Variants in LRP1B observed in about 807,000 individuals in gnomAD.
LRP1B encodes LDL receptor related protein 1B.
In LRP1B, 217 loss-of-function variants were observed where a neutral mutation model predicts 556.6. That is an observed-to-expected ratio of 0.39 (90% CI 0.35 to 0.44). LRP1B has a LOEUF of 0.44. Among genes scored for constraint, LRP1B ranks in the 20% least tolerant of loss-of-function variants. The pLI is 1.00. For synonymous variants in LRP1B, 2,047 were observed against 1,865.8 expected, an observed-to-expected ratio of 1.10 and a Z score of -2.50; for missense variants, 5,053 against 5,620.8, an observed-to-expected ratio of 0.90 and a Z score of 3.23.
chr2:141,525,113 T>A (rs1241476080), intron 2 of LRP1B, among the ~76,000 whole-genome samples: 1 of 152,122 alleles, frequency 6.6e-6, no homozygotes, highest in Non-Finnish European at 1.5e-5. Flanking sequence ...TTACAAACCC[T>A]GGACAAACAA....
At chr2:141,862,596 A>G (rs761177974) in intron 1 of LRP1B, among the ~76,000 whole-genome samples, 1 of 152,094 alleles carries the variant, frequency 6.6e-6, no homozygotes, top group Non-Finnish European at 1.5e-5. Context: ...TTTAGTAGAG[A>G]CGGGGTTTCA....
chr2:141,193,800 ATTG>A (rs1415507530), intron 6 of LRP1B, among the ~76,000 whole-genome samples: 1 of 151,972 alleles, frequency 6.6e-6, no homozygotes, highest in East Asian at 1.9e-4. Context: ...AATAAAAGGA[ATTG>A]TTGTTTGTCT....
intron 7 of LRP1B, among the ~76,000 whole-genome samples, chr2:141,126,156 T>C (rs1002129309): frequency 6.6e-6 from 1 of 151,972 alleles, no homozygotes; most frequent in Non-Finnish European, 1.5e-5. Flanking sequence ...CTCAGCCTCC[T>C]GAGTAGCTGG....
At chr2:141,367,090 C>T (rs1285966358) in intron 3 of LRP1B, among the ~76,000 whole-genome samples, 2 of 152,146 alleles carry the variant, frequency 1.3e-5, no homozygotes, top group African/African-American at 2.4e-5. Flanking sequence ...GAGCTAAAAA[C>T]TATTGCTGCT....
chr2:141,112,941 A>G (rs908945515), intron 7 of LRP1B, among the ~76,000 whole-genome samples: 2 of 152,316 alleles, frequency 1.3e-5, no homozygotes, highest in Non-Finnish European at 2.9e-5. Context: ...AGAATTGTTA[A>G]ATTAAGCCTG....
At chr2:141,219,603 G>C (rs1236352264) in intron 6 of LRP1B, among the ~76,000 whole-genome samples, 1 of 152,174 alleles carries the variant, frequency 6.6e-6, no homozygotes, top group Non-Finnish European at 1.5e-5. Context: ...TTGTTACACA[G>C]GCTTCTGATC....
intron 1 of LRP1B, among the ~76,000 whole-genome samples, chr2:142,050,612 A>G (rs1300900953): frequency 2.6e-5 from 4 of 152,182 alleles, no homozygotes; most frequent in Non-Finnish European, 4.4e-5. Flanking sequence ...CTTACCTTAA[A>G]GAGAATATTT....
intron 43 of LRP1B, among the ~76,000 whole-genome samples, chr2:140,579,829 G>A (rs887560870): frequency 1.4e-4 from 21 of 152,146 alleles, no homozygotes; most frequent in African/African-American, 5.1e-4. Context: ...GCTACAGAGT[G>A]AGACTCCATC....
At chr2:140,289,258 A>T (rs1307855770) in intron 84 of LRP1B, among the ~76,000 whole-genome samples, 1 of 151,940 alleles carries the variant, frequency 6.6e-6, no homozygotes, top group East Asian at 1.9e-4. Flanking sequence ...AATAAAGTCC[A>T]TTTCTGATCT....
chr2:141,567,279 A>G (rs988292600), intron 2 of LRP1B, among the ~76,000 whole-genome samples: 17 of 152,138 alleles, frequency 1.1e-4, no homozygotes, highest in Non-Finnish European at 2.4e-4. Flanking sequence ...TGAAGACAAC[A>G]TTATCCAAGA....
chr2:140,662,193 CT>C (rs1250872689), intron 41 of LRP1B, among the ~76,000 whole-genome samples: 1 of 151,694 alleles, frequency 6.6e-6, no homozygotes, highest in African/African-American at 2.4e-5. Flanking sequence ...TATATATATA[CT>C]ATTAAAAGGA....
At chr2:142,010,891 T>A (rs1394937460) in intron 1 of LRP1B, among the ~76,000 whole-genome samples, 1 of 152,196 alleles carries the variant, frequency 6.6e-6, no homozygotes, top group Non-Finnish European at 1.5e-5. Context: ...TACACATTAA[T>A]CACCAGGAAG....
intron 85 of LRP1B, among the ~76,000 whole-genome samples, chr2:140,272,787 T>G (rs1333926396): frequency 6.6e-6 from 1 of 152,032 alleles, no homozygotes; most frequent in Admixed American, 6.6e-5. Flanking sequence ...TATTGTCATG[T>G]TCAAGTGTTA....
intron 41 of LRP1B, among the ~76,000 whole-genome samples, chr2:140,678,776 T>G (rs1238006696): frequency 1.3e-5 from 2 of 151,180 alleles, no homozygotes; most frequent in African/African-American, 4.9e-5. Flanking sequence ...CTCCCTTTTT[T>G]TTTTTTTTTT....
intron 3 of LRP1B, among the ~76,000 whole-genome samples, chr2:141,420,813 C>T (rs34286816): frequency 0.57 from 86,533 of 152,010 alleles, 24,899 homozygotes; most frequent in Middle Eastern, 0.65. Flanking sequence ...CAGAAATACA[C>T]ACTATACTTG....
intron 1 of LRP1B, among the ~76,000 whole-genome samples, chr2:141,982,060 G>T (rs1387760235): frequency 6.6e-6 from 1 of 152,048 alleles, no homozygotes; most frequent in Non-Finnish European, 1.5e-5. Flanking sequence ...ATTTTGGGGG[G>T]ATTCAGATCC....
At chr2:141,638,553 C>G (rs1333029611) in intron 2 of LRP1B, among the ~76,000 whole-genome samples, 1 of 119,004 alleles carries the variant, frequency 8.4e-6, no homozygotes, top group African/African-American at 2.9e-5. Context: ...CCAACTAGTT[C>G]ACCAAATGGA....
intron 2 of LRP1B, among the ~76,000 whole-genome samples, chr2:141,760,847 T>A (rs1694518631): frequency 6.6e-6 from 1 of 152,208 alleles, no homozygotes; most frequent in African/African-American, 2.4e-5. Context: ...TCATGGCCTT[T>A]ACACACCATT....
At chr2:141,256,608 CTA>C (rs1382576885) in intron 3 of LRP1B, among the ~76,000 whole-genome samples, 1 of 151,926 alleles carries the variant, frequency 6.6e-6, no homozygotes, top group African/African-American at 2.4e-5. Context: ...TAAATGAAGA[CTA>C]TGAATCTTTG....
Sources: gnomAD v4.1 joint callset for allele counts (sites outside exome capture counted in the v4.1 genomes callset) on GRCh38, gnomAD v4.1.1 for gene constraint, MANE v1.5 for transcripts, NCBI Gene and HGNC (gene_info 2026-07-23, HGNC 2026-07-21) for gene names.